ADCY9: variants seen among roughly 807,000 people sequenced by gnomAD.
ADCY9 encodes the protein adenylate cyclase 9.
ADCY9 carries 50 observed loss-of-function variants against 101.5 expected under a neutral mutation model. That is an observed-to-expected ratio of 0.49 (90% CI 0.39 to 0.62). ADCY9 has a LOEUF of 0.62. Ranked by LOEUF, ADCY9 falls within the 20% of genes least tolerant of loss-of-function variation. The pLI, the probability that ADCY9 is intolerant of heterozygous loss-of-function variation, is 0.00. For missense variants in ADCY9, 1,662 were observed against 1,800.4 expected (o/e 0.92, Z 1.39); for synonymous variants, 905 against 769.3 (o/e 1.18, Z -2.92).
At chr16:3,989,358 C>CAT (rs34241332) in intron 5 of ADCY9, among the ~76,000 whole-genome samples, 68,689 of 151,422 alleles carry the variant, frequency 0.45, 17,781 homozygotes, top group Non-Finnish European at 0.58. Context: ...TAGCACACAT[C>CAT]ATCAGAACCT....
At chr16:4,084,907 C>A (rs1458168209) in intron 2 of ADCY9, among the ~76,000 whole-genome samples, 1 of 152,132 alleles carries the variant, frequency 6.6e-6, no homozygotes, top group South Asian at 2.1e-4. Flanking sequence ...ATACTCATAT[C>A]AACTTCAACT....
chr16:4,028,941 C>T (rs1051359747), intron 2 of ADCY9, among the ~76,000 whole-genome samples: 3 of 152,014 alleles, frequency 2.0e-5, no homozygotes, highest in Admixed American at 2.0e-4. Context: ...CCTGCCACTG[C>T]ACGCGGCTAA....
At chr16:4,042,837 C>T (rs188100601) in intron 2 of ADCY9, among the ~76,000 whole-genome samples, 4 of 152,304 alleles carry the variant, frequency 2.6e-5, no homozygotes, top group South Asian at 4.1e-4. Context: ...TCCGTTTGGA[C>T]GATTCCGGTT....
intron 7 of ADCY9, among the ~76,000 whole-genome samples, chr16:3,980,266 G>A (rs2056129627): frequency 7.6e-6 from 1 of 130,794 alleles, no homozygotes; most frequent in African/African-American, 2.5e-5. Context: ...CGTTTCAGGA[G>A]TGTGATGTTG....
At chr16:4,067,613 C>G (rs1208813503) in intron 2 of ADCY9, among the ~76,000 whole-genome samples, 1 of 152,066 alleles carries the variant, frequency 6.6e-6, no homozygotes, top group Non-Finnish European at 1.5e-5. Flanking sequence ...CTCTACCCAC[C>G]CCAGAGAGAT....
At chr16:3,993,598 G>C in intron 3 of ADCY9, 88 bp from the exon 4 acceptor site, 1 of 1,512,624 alleles carries the variant, frequency 6.6e-7, no homozygotes, top group South Asian at 1.1e-5. Context: ...GCCATCTGCC[G>C]TCACGCAGCA....
intron 2 of ADCY9, among the ~76,000 whole-genome samples, chr16:4,058,180 G>C (rs1178529255): frequency 1.4e-5 from 2 of 143,400 alleles, no homozygotes; most frequent in South Asian, 2.2e-4. Context: ...AAAGAGAGTT[G>C]AGGCTGGGCG....
intron 2 of ADCY9, among the ~76,000 whole-genome samples, chr16:4,098,794 T>A (rs561261510): frequency 1.1e-4 from 17 of 152,278 alleles, no homozygotes; most frequent in African/African-American, 4.1e-4. Flanking sequence ...ACTAAGGGAT[T>A]TCCTAGAGTT....
intron 2 of ADCY9, among the ~76,000 whole-genome samples, chr16:4,054,663 C>G (rs868796724): frequency 6.6e-6 from 1 of 151,970 alleles, no homozygotes; most frequent in Non-Finnish European, 1.5e-5. Flanking sequence ...CTACGCCTCC[C>G]GGGTTCAAGC....
At chr16:3,985,148 T>G (rs1319863498) in intron 6 of ADCY9, among the ~76,000 whole-genome samples, 6 of 147,086 alleles carry the variant, frequency 4.1e-5, no homozygotes, top group African/African-American at 1.2e-4. Context: ...TCCTTTTTTT[T>G]TTTTTTTTTT....
At chr16:4,096,284 C>T (rs904074265) in intron 2 of ADCY9, among the ~76,000 whole-genome samples, 6 of 152,144 alleles carry the variant, frequency 3.9e-5, no homozygotes, top group East Asian at 1.9e-4. Flanking sequence ...GTCCCAATCA[C>T]GTGAGAATCT....
At chr16:3,983,033 T>TC (rs111252385) in intron 7 of ADCY9, 199 bp downstream of exon 7, 12 of 599,090 alleles carry the variant, frequency 2.0e-5, no homozygotes, top group Admixed American at 1.2e-4. Flanking sequence ...AGCGAGGTGG[T>TC]CCCCCCGCAT....
intron 3 of ADCY9, 151 bp downstream of exon 3, chr16:4,007,217 T>G: frequency 1.6e-6 from 1 of 643,100 alleles, no homozygotes; most frequent in African/African-American, 1.8e-5. Context: ...TGCTACTAAC[T>G]TTAGACTAAA....
rs753349786 is a variant in ADCY9 at position 4,114,750 on chromosome 16, G to A, written c.693C>T (p.Leu231=). The part of the protein sequence containing the change: ...VGSFSMCIEV[L]FLLYTVMHLP... Reference sequence around the variant, plus strand: ...AGTGCATGACGGTATAGAGCAAAAAGAGCACTTCGATGCACATGGAGAAGC... The same window carrying A: ...AGTGCATGACGGTATAGAGCAAAAAAAGCACTTCGATGCACATGGAGAAGC... The change falls in exon 2 of 11, where the codon CTC becomes CTT. Residue 231 remains leucine (L), a synonymous_variant. Coordinates refer to ENST00000294016, the MANE Select transcript of ADCY9 (RefSeq NM_001116.4). This position sits in a 1 kb window ranked among gnomAD's most constrained non-coding sequence, Gnocchi z 4.3. 81 of 1,613,062 alleles carry A rather than the reference G, an allele frequency of 5.0e-5. No individual in the cohort carries two copies. The Middle Eastern group carries it at 2.1e-3, about 43-fold the overall frequency.
chr16:4,103,604 G>A (rs143484366), intron 2 of ADCY9, among the ~76,000 whole-genome samples: 288 of 152,258 alleles, frequency 1.9e-3, no homozygotes, highest in Non-Finnish European at 2.3e-3. Context: ...CCGAGGTAGG[G>A]AGATCACCTG....
rs150343715 is a variant in ADCY9, at chr16:3,987,809, C to T, written c.2310+1185G>A. ...TCAGAGTGAGAAATCCCTTTTGTTC[C>T]GGGTGGGGAGGGCATCCACTCTTGA... On this transcript the variant is annotated intron_variant, in intron 6 of 10. Transcript: ENST00000294016. Among the ~76,000 whole-genome samples the T allele has an allele frequency of 3.2e-3, 482 of 152,178 alleles. 3 individuals carry two copies. Among genetic ancestry groups the T allele is most frequent in the African/African-American group, 0.011 (448 of 41,512 alleles).
At chr16:4,097,555 T>TATATATATATATATATA (rs1567147091) in intron 2 of ADCY9, among the ~76,000 whole-genome samples, 2 of 55,068 alleles carry the variant, frequency 3.6e-5, no homozygotes, top group African/African-American at 2.3e-4. Context: ...ATATATATAT[T>TATATATATATATATATA]TTTTTTTTTT....
chr16:3,966,023 G>C lies in ADCY9; in HGVS notation c.3814C>G (p.Arg1272Gly). ...IRVQVDGSIGRSPTDEIANLV... is the reference protein window; with the variant it reads ...IRVQVDGSIGGSPTDEIANLV... ...TTGGCAATCTCGTCTGTGGGAGACC[G>C]TCCGATGCTGCCATCCACCTGGACG... is the stretch of plus-strand genomic sequence containing the variant. Residue 1272 changes from arginine (R) to glycine (G), a missense_variant, in exon 11 of 11, where the codon CGG becomes GGG. Transcript: ENST00000294016. The C allele has an allele frequency of 6.2e-7, 1 of 1,614,198 alleles. No homozygotes were observed. Among genetic ancestry groups the C allele is most frequent in the Non-Finnish European group, 8.5e-7 (1 of 1,180,034 alleles).
intron 10 of ADCY9, among the ~76,000 whole-genome samples, chr16:3,971,492 C>A (rs1397210272): frequency 1.3e-5 from 2 of 152,216 alleles, no homozygotes; most frequent in South Asian, 2.1e-4. Flanking sequence ...CTGTGCTTCA[C>A]TGACTCATTT....
Sources: allele counts gnomAD v4.1 joint callset (sites outside exome capture counted in the v4.1 genomes callset), GRCh38; gene constraint gnomAD v4.1.1; non-coding constraint Gnocchi (gnomAD v3.1); transcripts MANE v1.5; gene names NCBI Gene and HGNC (gene_info 2026-07-23, HGNC 2026-07-21).